The following MACROD2 variants were observed in gnomAD, a reference collection of about 807,000 sequenced individuals.
MACROD2 encodes the protein ADP-ribose glycohydrolase MACROD2.
MACROD2 carries 36 observed loss-of-function variants against 70.4 expected under a neutral mutation model. The ratio of observed to expected loss-of-function variants is 0.51; its 90% confidence interval spans 0.39 to 0.68. The LOEUF is 0.68. MACROD2 is among the 30% of genes least tolerant of loss of function. The probability of loss-of-function intolerance (pLI) is 0.00; values close to 1 mark genes in which losing one functional copy is unlikely to be tolerated. For synonymous variants in MACROD2, 172 were observed against 178.8 expected, an observed-to-expected ratio of 0.96 and a Z score of 0.30; for missense variants, 496 against 538.4, an observed-to-expected ratio of 0.92 and a Z score of 0.78.
chr20:15,120,607 C>G (rs2076023211), intron 5 of MACROD2, among the ~76,000 whole-genome samples: 1 of 152,128 alleles, frequency 6.6e-6, no homozygotes, highest in Admixed American at 6.5e-5. Context: ...CATTTTTGTT[C>G]TATACACAGA....
intron 2 of MACROD2, among the ~76,000 whole-genome samples, chr20:14,007,961 A>G (rs184110865): frequency 6.6e-6 from 1 of 152,216 alleles, no homozygotes; most frequent in Non-Finnish European, 1.5e-5. Flanking sequence ...CTTATACTCA[A>G]GTATAAAATA....
chr20:15,965,130 C>A (rs995449091), intron 12 of MACROD2, among the ~76,000 whole-genome samples: 1 of 152,160 alleles, frequency 6.6e-6, no homozygotes, highest in African/African-American at 2.4e-5. Context: ...GTGCATCTGG[C>A]AGCATTTTCT....
rs572147947 is a variant in MACROD2, at chr20:15,870,521, G to A, written c.727+7695G>A. 2.6e-5 allele frequency among the ~76,000 whole-genome samples: 4 copies of A among 152,236 alleles called. No homozygotes were observed. In the South Asian group the frequency reaches 6.2e-4, roughly 24 times the overall value. ...GAGGTAAGACCTTTAAGAGTGATAG[G>A]CCATGACGGCTCTAGCCTCATGGGA... On this transcript the variant is annotated intron_variant, in intron 9 of 17. Coordinates refer to ENST00000684519, the MANE Select transcript of MACROD2 (RefSeq NM_001351661.2).
intron 5 of MACROD2, among the ~76,000 whole-genome samples, chr20:15,048,998 T>C (rs544955552): frequency 6.6e-6 from 1 of 152,274 alleles, no homozygotes; most frequent in South Asian, 2.1e-4. Flanking sequence ...ATATACTTTT[T>C]CAATCAAAAT....
rs150581980 is a variant in MACROD2 at position 14,430,050 on chromosome 20, A to G, written c.272-63429A>G. On this transcript the variant is annotated intron_variant, in intron 3 of 17. Transcript: ENST00000684519. ...TTTTCTCAGCATCTACTTTTGGTGT[A>G]CCCAAACTAAAACGGTTTGTTAGCG... is the stretch of plus-strand genomic sequence containing the variant. Among the ~76,000 whole-genome samples the G allele has an allele frequency of 3.2e-3, 488 of 152,286 alleles. 4 individuals carry two copies. The highest frequency in any genetic ancestry group is 0.011 in the African/African-American group (464 of 41,562).
chr20:15,772,217 A>T lies in MACROD2; in HGVS notation c.646-90528A>T, dbSNP rs375439375. Among the ~76,000 whole-genome samples, 458 of 150,626 alleles carry T rather than the reference A, an allele frequency of 3.0e-3. 13 individuals are homozygous for T. In the South Asian group the frequency reaches 0.076, roughly 25 times the overall value. Reference sequence around the variant, plus strand: ...AGCTCTTTGGCCTAACCTTGTGTAGATCTTTCCTAAAAACTAAGGACTGTG... The same window carrying T: ...AGCTCTTTGGCCTAACCTTGTGTAGTTCTTTCCTAAAAACTAAGGACTGTG... On this transcript the variant is annotated intron_variant, in intron 8 of 17. Transcript: ENST00000684519.
chr20:14,919,366 CTTTA>C (rs768817873), intron 5 of MACROD2, among the ~76,000 whole-genome samples: 14 of 152,040 alleles, frequency 9.2e-5, no homozygotes, highest in African/African-American at 1.4e-4. Context: ...CATGTTTTCC[CTTTA>C]TTTATCACTT....
intron 6 of MACROD2, among the ~76,000 whole-genome samples, chr20:15,268,526 C>A (rs952960533): frequency 2.0e-5 from 3 of 152,004 alleles, no homozygotes; most frequent in Non-Finnish European, 2.9e-5. Flanking sequence ...TGGTCGTGGG[C>A]GCCTGTAATC....
In MACROD2 at chr20:15,262,335, C is replaced by G. The variant is rs577336710; in HGVS notation, c.540+32274C>G. 3.3e-5 allele frequency among the ~76,000 whole-genome samples: 5 copies of G among 152,058 alleles called. 1 individual carries two copies. In the East Asian group the frequency reaches 7.7e-4, roughly 24 times the overall value. On this transcript the variant is annotated intron_variant, in intron 6 of 17. Coordinates refer to ENST00000684519, the MANE Select transcript of MACROD2 (RefSeq NM_001351661.2). ...TGTGCCTGGCTTATTTCACTTAACA[C>G]AATGACCTTCAGTTCCATCCATGGT...
At chr20:14,911,270 A>G (rs896790917) in intron 5 of MACROD2, among the ~76,000 whole-genome samples, 1 of 152,188 alleles carries the variant, frequency 6.6e-6, no homozygotes, top group African/African-American at 2.4e-5. Context: ...AACTAGCCCC[A>G]GATGTTAACA....
At chr20:14,631,144 GACAAA>G (rs1984485614) in intron 4 of MACROD2, among the ~76,000 whole-genome samples, 1 of 152,096 alleles carries the variant, frequency 6.6e-6, no homozygotes. Flanking sequence ...CAACAGACCA[GACAAA>G]ACCAGAATGG....
intron 4 of MACROD2, among the ~76,000 whole-genome samples, chr20:14,623,873 C>T (rs1419191833): frequency 6.6e-6 from 1 of 152,224 alleles, no homozygotes; most frequent in Non-Finnish European, 1.5e-5. Context: ...GCTTCAAGTA[C>T]ATGGTTGGCA....
chr20:15,732,920 C>T (rs1252310879), intron 8 of MACROD2, among the ~76,000 whole-genome samples: 1 of 152,022 alleles, frequency 6.6e-6, no homozygotes, highest in African/African-American at 2.4e-5. Flanking sequence ...CCCATGTGGA[C>T]CTGGTGCTTT....
At chr20:15,411,889 C>G (rs1600374456) in intron 6 of MACROD2, among the ~76,000 whole-genome samples, 1 of 152,118 alleles carries the variant, frequency 6.6e-6, no homozygotes, top group East Asian at 1.9e-4. Context: ...ATGGTTTAAT[C>G]CTTGGTGCTG....
intron 5 of MACROD2, among the ~76,000 whole-genome samples, chr20:15,027,448 G>GT (rs2075240748): frequency 6.6e-6 from 1 of 152,050 alleles, no homozygotes; most frequent in Admixed American, 6.5e-5. Flanking sequence ...CCAAATGGCT[G>GT]TTTGAATTAC....
At chr20:14,140,315 T>C (rs907120664) in intron 3 of MACROD2, among the ~76,000 whole-genome samples, 1 of 152,230 alleles carries the variant, frequency 6.6e-6, no homozygotes, top group Admixed American at 6.5e-5. Context: ...ACTGCTTTCA[T>C]TACACTATAA....
intron 5 of MACROD2, among the ~76,000 whole-genome samples, chr20:14,705,240 C>G (rs796343039): frequency 1.4e-4 from 22 of 152,244 alleles, no homozygotes; most frequent in African/African-American, 5.3e-4. Flanking sequence ...AGCTACATCT[C>G]TCCGTTCGTC....
chr20:15,330,426 C>T (rs558112261), intron 6 of MACROD2, among the ~76,000 whole-genome samples: 10 of 151,458 alleles, frequency 6.6e-5, no homozygotes, highest in South Asian at 6.2e-4. Flanking sequence ...TCCATGAAAA[C>T]GGATGGAAAA....
intron 5 of MACROD2, among the ~76,000 whole-genome samples, chr20:14,931,204 C>T (rs1374651226): frequency 3.3e-5 from 5 of 151,768 alleles, no homozygotes; most frequent in East Asian, 1.9e-4. Context: ...AGGGATGGCT[C>T]GGTAAGAGAC....
Sources: allele counts gnomAD v4.1 joint callset (sites outside exome capture counted in the v4.1 genomes callset), GRCh38; gene constraint gnomAD v4.1.1; transcripts MANE v1.5; gene names NCBI Gene and HGNC (gene_info 2026-07-23, HGNC 2026-07-21).